OXR1: variants seen among roughly 807,000 people sequenced by gnomAD.
OXR1 encodes oxidation resistance protein 1.
OXR1 carries 41 observed loss-of-function variants against 104.6 expected under a neutral mutation model. The observed-to-expected ratio is 0.39, with a 90% confidence interval of 0.31 to 0.51. OXR1 has a LOEUF of 0.51. Among genes scored for constraint, OXR1 ranks in the 20% least tolerant of loss-of-function variants. The pLI, the probability that OXR1 is intolerant of heterozygous loss-of-function variation, is 0.77. For synonymous variants in OXR1, 348 were observed against 348.4 expected (o/e 1.00, Z 0.01); for missense variants, 955 against 1,031.9 (o/e 0.93, Z 1.02).
chr8:106,311,465 G>C (rs982403567), intron 1 of OXR1, among the ~76,000 whole-genome samples: 7 of 152,072 alleles, frequency 4.6e-5, no homozygotes, highest in African/African-American at 1.7e-4. Flanking sequence ...GGTATATTTA[G>C]TTTATATACT....
chr8:106,735,632 T>C (rs547177487), intron 11 of OXR1, among the ~76,000 whole-genome samples: 1 of 152,252 alleles, frequency 6.6e-6, no homozygotes, highest in African/African-American at 2.4e-5. Context: ...AATCCTTGTC[T>C]AGGAGACTAT....
At chr8:106,463,766 G>T (rs545238466) in intron 2 of OXR1, among the ~76,000 whole-genome samples, 3 of 152,196 alleles carry the variant, frequency 2.0e-5, no homozygotes, top group Admixed American at 2.0e-4. Flanking sequence ...AAGAGCAGCA[G>T]CATCATATTG....
At chr8:106,666,206 A>C (rs1038110694) in intron 3 of OXR1, among the ~76,000 whole-genome samples, 2 of 152,176 alleles carry the variant, frequency 1.3e-5, no homozygotes, top group Admixed American at 6.5e-5. Context: ...TTACATTTTA[A>C]ACTATAGATT....
chr8:106,347,970 G>A (rs894815185), intron 1 of OXR1, among the ~76,000 whole-genome samples: 17 of 152,154 alleles, frequency 1.1e-4, no homozygotes, highest in Non-Finnish European at 2.5e-4. Flanking sequence ...TGTATAAAAT[G>A]TGAAGAGTAC....
intron 2 of OXR1, among the ~76,000 whole-genome samples, chr8:106,503,853 G>A (rs938289718): frequency 1.3e-5 from 2 of 152,222 alleles, no homozygotes; most frequent in African/African-American, 2.4e-5. Context: ...GAGGTAATGC[G>A]AGCAGAAAGA....
intron 3 of OXR1, among the ~76,000 whole-genome samples, chr8:106,663,848 G>A (rs1341202473): frequency 6.6e-6 from 1 of 152,096 alleles, no homozygotes; most frequent in Non-Finnish European, 1.5e-5. Flanking sequence ...ATAATCCATA[G>A]TCTTCCATGA....
chr8:106,619,488 T>C (rs1182394770), intron 3 of OXR1, among the ~76,000 whole-genome samples: 1 of 152,218 alleles, frequency 6.6e-6, no homozygotes, highest in Non-Finnish European at 1.5e-5. Flanking sequence ...AGGTGATTGG[T>C]TTTGAGCCCA....
chr8:106,281,090 C>T (rs989007791), intron 1 of OXR1, among the ~76,000 whole-genome samples: 25 of 152,048 alleles, frequency 1.6e-4, no homozygotes, highest in Non-Finnish European at 3.1e-4. Context: ...AGGGGAAGGG[C>T]AGAAACTATA....
intron 3 of OXR1, among the ~76,000 whole-genome samples, chr8:106,632,606 C>A (rs912528228): frequency 2.0e-5 from 3 of 152,098 alleles, no homozygotes; most frequent in Non-Finnish European, 4.4e-5. Flanking sequence ...ACTTTATATA[C>A]CTCTTTTTTT....
intron 3 of OXR1, among the ~76,000 whole-genome samples, chr8:106,644,174 C>T (rs898041563): frequency 2.6e-5 from 4 of 152,132 alleles, no homozygotes; most frequent in Non-Finnish European, 5.9e-5. Flanking sequence ...CCCCATTTTG[C>T]TTTTGTTGTT....
At chr8:106,450,778 AAGTTTT>A (rs1381539668) in intron 2 of OXR1, among the ~76,000 whole-genome samples, 1 of 136,188 alleles carries the variant, frequency 7.3e-6, no homozygotes, top group African/African-American at 2.7e-5. Flanking sequence ...TTTTTTTTTT[AAGTTTT>A]AGTTTTAAGG....
intron 1 of OXR1, among the ~76,000 whole-genome samples, chr8:106,344,316 T>TTTTTTGTTTTTG (rs200113828): frequency 6.6e-6 from 1 of 151,690 alleles, no homozygotes; most frequent in Non-Finnish European, 1.5e-5. Flanking sequence ...CTAGCCACCG[T>TTTTTTGTTTTTG]TTTTTGTTTT....
Position 106,740,443 on chromosome 8 carries a change from T to A in OXR1, c.2264T>A (p.Met755Lys). 6.2e-7 allele frequency: 1 copy of A among 1,613,334 alleles called. No homozygotes were observed. The highest frequency in any genetic ancestry group is 8.5e-7 in the Non-Finnish European group (1 of 1,179,498). The change falls in exon 14 of 17, where the codon ATG becomes AAG. Residue 755 changes from methionine (M) to lysine (K), a missense_variant. By Grantham distance (95) the Met-to-Lys change is moderately conservative. Coordinates refer to ENST00000517566, the MANE Select transcript of OXR1 (RefSeq NM_001198533.2). ...AGCTTGAAAACTCTTTATCGAACAA[T>A]GACAGGTTTAGACACCCCAGTGCTG... The part of the protein sequence containing the change: ...GTSLKTLYRT[M>K]TGLDTPVLMV...
chr8:106,602,607 G>T (rs1820055936), intron 3 of OXR1, among the ~76,000 whole-genome samples: 1 of 152,106 alleles, frequency 6.6e-6, no homozygotes, highest in Non-Finnish European at 1.5e-5. Context: ...GGAAGATGGT[G>T]TTCAGTTTTA....
intron 1 of OXR1, among the ~76,000 whole-genome samples, chr8:106,320,240 C>T (rs1248679308): frequency 6.6e-6 from 1 of 152,128 alleles, no homozygotes; most frequent in Non-Finnish European, 1.5e-5. Flanking sequence ...CTCTCCTCAC[C>T]TTCTGTTGCT....
chr8:106,367,768 G>T (rs376044988), intron 2 of OXR1, among the ~76,000 whole-genome samples: 16 of 152,318 alleles, frequency 1.1e-4, no homozygotes, highest in East Asian at 9.7e-4. Flanking sequence ...GATGGTAGAG[G>T]ATTGGGGAGT....
chr8:106,524,277 T>C (rs1419517481), intron 3 of OXR1, among the ~76,000 whole-genome samples: 1 of 152,216 alleles, frequency 6.6e-6, no homozygotes, highest in Non-Finnish European at 1.5e-5. Context: ...TATAAGGACT[T>C]CTGAAAAATA....
At chr8:106,432,336 C>T (rs2130566138) in intron 2 of OXR1, among the ~76,000 whole-genome samples, 1 of 152,280 alleles carries the variant, frequency 6.6e-6, no homozygotes, top group South Asian at 2.1e-4. Flanking sequence ...TGAAATACAA[C>T]ACCAATCCTT....
chr8:106,466,388 T>A (rs1821170636), intron 2 of OXR1, among the ~76,000 whole-genome samples: 1 of 151,900 alleles, frequency 6.6e-6, no homozygotes. Flanking sequence ...GAGGGACTTC[T>A]TTTTCAATGC....
Sources: allele counts gnomAD v4.1 joint callset (sites outside exome capture counted in the v4.1 genomes callset), GRCh38; gene constraint gnomAD v4.1.1; transcripts MANE v1.5; gene names NCBI Gene and HGNC (gene_info 2026-07-23, HGNC 2026-07-21).